ETF1: variants seen among roughly 807,000 people sequenced by gnomAD.
ETF1 encodes the protein eukaryotic translation termination factor 1.
ETF1 carries 4 observed loss-of-function variants against 55.1 expected under a neutral mutation model. The observed-to-expected ratio is 0.07, with a 90% CI of 0.04 to 0.17. ETF1 has a LOEUF of 0.17. Among genes scored for constraint, ETF1 ranks in the 10% least tolerant of loss-of-function variants. The probability of loss-of-function intolerance (pLI) is 1.00; values close to 1 mark genes in which losing one functional copy is unlikely to be tolerated. For missense variants in ETF1, 142 were observed against 523.6 expected, an observed-to-expected ratio of 0.27 and a Z score of 7.11; for synonymous variants, 157 against 182.3, an observed-to-expected ratio of 0.86 and a Z score of 1.12.
At chr5:138,508,533 G>A in intron 10 of ETF1, 136 bp downstream of exon 10, 2 of 1,552,534 alleles carry the variant, frequency 1.3e-6, no homozygotes, top group Non-Finnish European at 1.7e-6. Context: ...TCCAAATTAG[G>A]AACCTGCACC....
chr5:138,519,460 G>C (rs1234768063), intron 2 of ETF1, among the ~76,000 whole-genome samples: 1 of 151,574 alleles, frequency 6.6e-6, no homozygotes, highest in Non-Finnish European at 1.5e-5. Flanking sequence ...TCAGGAGTTC[G>C]AGGCAAGCCT....
chr5:138,509,123 G>GTCTC, intron 9 of ETF1: 1 of 985,044 alleles, frequency 1.0e-6, no homozygotes, highest in Non-Finnish European at 1.2e-6. Context: ...CTGTTGTAGT[G>GTCTC]TCTCTAAGCA....
intron 2 of ETF1, among the ~76,000 whole-genome samples, chr5:138,519,816 G>A (rs1239922183): frequency 1.3e-5 from 2 of 152,018 alleles, no homozygotes; most frequent in Admixed American, 6.6e-5. Context: ...ACTAAAAAAC[G>A]GGACCAAAAT....
intron 2 of ETF1, among the ~76,000 whole-genome samples, chr5:138,530,078 T>C (rs1765634058): frequency 6.6e-6 from 1 of 152,130 alleles, no homozygotes; most frequent in African/African-American, 2.4e-5. Context: ...TTCACCATCA[T>C]CAACAATGCT....
chr5:138,513,523 T>G (rs1190835053), intron 5 of ETF1, 45 bp downstream of exon 5: 1 of 1,502,518 alleles, frequency 6.7e-7, no homozygotes. Context: ...GTTTTCTTAT[T>G]GCTAGACACA....
chr5:138,543,101 G>T lies in ETF1; in HGVS notation c.-23C>A. On this transcript the variant is annotated 5_prime_UTR_variant, in exon 1 of 11. Transcript: ENST00000360541. The stretch of plus-strand genomic sequence containing the variant: ...CTTTCCCTCCCTGTGCCTTACCTAA[G>T]GGCCCAGTCCTGGGCGGCAGCGGCT... 1 of 650,262 alleles carries T rather than the reference G, an allele frequency of 1.5e-6. No homozygotes were observed. Among genetic ancestry groups the T allele is most frequent in the South Asian group, 1.9e-5 (1 of 51,752 alleles). 40.3% of individuals were successfully genotyped at this position (650,262 alleles called of 1,614,324 possible). A position where few individuals can be genotyped will look rare whatever the true frequency, so the allele number is the denominator to read the frequency against.
chr5:138,519,035 CAG>C, intron 2 of ETF1, 168 bp from the exon 3 acceptor site: 13 of 983,474 alleles, frequency 1.3e-5, no homozygotes, highest in Non-Finnish European at 1.6e-5. Flanking sequence ...AACGTATACA[CAG>C]AGTTAGGAAC....
At chr5:138,520,503 A>T (rs1040814547) in intron 2 of ETF1, among the ~76,000 whole-genome samples, 2 of 152,214 alleles carry the variant, frequency 1.3e-5, no homozygotes, top group Non-Finnish European at 2.9e-5. Context: ...CCAGTCAAGA[A>T]ATATCTCATC....
At chr5:138,523,210 T>TGC (rs1451311598) in intron 2 of ETF1, among the ~76,000 whole-genome samples, 2 of 150,700 alleles carry the variant, frequency 1.3e-5, no homozygotes, top group African/African-American at 4.9e-5. Context: ...CTACTAAAAA[T>TGC]ACAAAAATTA....
intron 2 of ETF1, among the ~76,000 whole-genome samples, chr5:138,526,363 C>A (rs1765472699): frequency 6.6e-6 from 1 of 152,160 alleles, no homozygotes; most frequent in South Asian, 2.1e-4. Context: ...GAAAATATCT[C>A]AAATTGGGTC....
intron 2 of ETF1, among the ~76,000 whole-genome samples, chr5:138,530,444 A>G (rs1765651616): frequency 6.6e-6 from 1 of 151,834 alleles, no homozygotes; most frequent in Non-Finnish European, 1.5e-5. Flanking sequence ...CGCCCAGCTA[A>G]TTGTTGTATT....
chr5:138,513,124 ACTAAGT>A, intron 5 of ETF1, 170 bp from the exon 6 acceptor site: 2 of 985,354 alleles, frequency 2.0e-6, no homozygotes, highest in Non-Finnish European at 2.4e-6. Flanking sequence ...GAGAGCGACT[ACTAAGT>A]CTATGTCAAG....
chr5:138,510,761 T>C, intron 8 of ETF1, 132 bp from the exon 9 acceptor site: 1 of 1,273,718 alleles, frequency 7.9e-7, no homozygotes, highest in Non-Finnish European at 1.1e-6. Flanking sequence ...ATAAACATGT[T>C]AGCATACACT....
intron 2 of ETF1, among the ~76,000 whole-genome samples, chr5:138,531,269 T>A (rs920528092): frequency 2.0e-5 from 3 of 152,134 alleles, no homozygotes; most frequent in Non-Finnish European, 4.4e-5. Context: ...TCTCTTTTGT[T>A]CTCTTGCCAT....
chr5:138,511,403 TACACACACACAC>T (rs71574422), intron 7 of ETF1, 60 bp downstream of exon 7: 38 of 968,210 alleles, frequency 3.9e-5, no homozygotes, highest in South Asian at 1.6e-4. Flanking sequence ...CACACACACA[TACACACACACAC>T]ACACACACAC....
intron 2 of ETF1, among the ~76,000 whole-genome samples, chr5:138,521,472 A>T (rs545745097): frequency 6.6e-6 from 1 of 152,316 alleles, no homozygotes; most frequent in African/African-American, 2.4e-5. Context: ...CATGTTATGT[A>T]TTTTTTACAA....
chr5:138,521,556 T>C (rs1765233822), intron 2 of ETF1, among the ~76,000 whole-genome samples: 1 of 152,220 alleles, frequency 6.6e-6, no homozygotes, highest in South Asian at 2.1e-4. Context: ...GATGGAGTCT[T>C]GCTCTTGTTG....
intron 2 of ETF1, chr5:138,519,274 T>C (rs1393609655): frequency 3.9e-6 from 3 of 768,080 alleles, no homozygotes; most frequent in Non-Finnish European, 3.2e-6. Context: ...GCAATGAGTC[T>C]TTCCAAAGTC....
At chr5:138,524,244 TTGGG>T (rs1561837882) in intron 2 of ETF1, among the ~76,000 whole-genome samples, 1 of 150,736 alleles carries the variant, frequency 6.6e-6, no homozygotes, top group Non-Finnish European at 1.5e-5. Context: ...TTCCAGCTAC[TTGGG>T]AGTCTGAGGC....
Sources: allele counts gnomAD v4.1 joint callset (sites outside exome capture counted in the v4.1 genomes callset), GRCh38; gene constraint gnomAD v4.1.1; transcripts MANE v1.5; gene names NCBI Gene and HGNC (gene_info 2026-07-23, HGNC 2026-07-21).